Variants in ELMO1 observed in about 807,000 individuals in gnomAD.
ELMO1 encodes engulfment and cell motility protein 1.
Under a neutral mutation model 98.9 loss-of-function variants are expected in ELMO1, and 26 were observed. That is an observed-to-expected ratio of 0.26 (90% CI 0.19 to 0.36). The LOEUF (loss-of-function observed/expected upper bound fraction) is 0.36, where lower values mean the gene tolerates loss of function less well. ELMO1 is among the 10% of genes least tolerant of loss of function. The pLI is 1.00. For synonymous variants in ELMO1, 346 were observed against 346.0 expected (o/e 1.00, Z 0.00); for missense variants, 627 against 935.2 (o/e 0.67, Z 4.30).
chr7:37,337,293 G>C (rs911449625), intron 2 of ELMO1, among the ~76,000 whole-genome samples: 25 of 151,908 alleles, frequency 1.6e-4, no homozygotes, highest in African/African-American at 5.8e-4. Flanking sequence ...ACCAAACACT[G>C]CATGTTCTCA....
chr7:37,233,236 C>T, intron 7 of ELMO1, 42 bp from the exon 8 acceptor site: 1 of 1,556,068 alleles, frequency 6.4e-7, no homozygotes, highest in Non-Finnish European at 8.7e-7. Context: ...AGCCCCAAAG[C>T]TGAGCAAAGA....
chr7:37,006,730 G>A (rs1793155230), intron 16 of ELMO1, among the ~76,000 whole-genome samples: 1 of 152,180 alleles, frequency 6.6e-6, no homozygotes, highest in East Asian at 1.9e-4. Flanking sequence ...CTCTAGCGGG[G>A]TGATAATGCA....
At chr7:36,989,539 T>C (rs1218940462) in intron 16 of ELMO1, among the ~76,000 whole-genome samples, 6 of 151,974 alleles carry the variant, frequency 3.9e-5, no homozygotes, top group African/African-American at 1.4e-4. Context: ...TCAAAATTAA[T>C]CTCCCACATA....
intron 14 of ELMO1, among the ~76,000 whole-genome samples, chr7:37,114,157 T>C (rs953346150): frequency 3.9e-5 from 6 of 152,338 alleles, no homozygotes; most frequent in Non-Finnish European, 8.8e-5. Context: ...ATGAGTGATG[T>C]GATCTGACCA....
intron 4 of ELMO1, among the ~76,000 whole-genome samples, chr7:37,276,456 A>C (rs1474040183): frequency 6.6e-6 from 1 of 151,942 alleles, no homozygotes; most frequent in Non-Finnish European, 1.5e-5. Context: ...AAAATACAAA[A>C]AAAAATTAGC....
chr7:37,405,322 C>T (rs1803712052), intron 1 of ELMO1, among the ~76,000 whole-genome samples: 1 of 152,168 alleles, frequency 6.6e-6, no homozygotes, highest in Non-Finnish European at 1.5e-5. Context: ...GTTTCCGACC[C>T]CCTCCCCACG....
Position 36,853,627 on chromosome 7 carries a change from T to A in ELMO1, c.*1924A>T, listed in dbSNP as rs7804092. On this transcript the variant is annotated 3_prime_UTR_variant, in exon 22 of 22. Coordinates refer to ENST00000310758, the MANE Select transcript of ELMO1 (RefSeq NM_014800.11). ...AGGAACCCCTGTGAATGCAAAGGAC[T>A]TTTTTCCTGCAATGCATGCAGTGCT... 0.18 allele frequency among the ~76,000 whole-genome samples: 27,311 copies of A among 152,176 alleles called. 2,570 individuals are homozygous for A. The highest frequency in any genetic ancestry group is 0.25 in the South Asian group (1,225 of 4,830).
In ELMO1 at chr7:37,211,524, G is replaced by A; in HGVS notation, c.955-7C>T. The A allele has an allele frequency of 6.2e-7, 1 of 1,612,734 alleles. No homozygotes were observed. The highest frequency in any genetic ancestry group is 1.1e-5 in the South Asian group (1 of 90,934). The stretch of plus-strand genomic sequence containing the variant: ...ATATGATGTCCCTCTGAGCCTGAAG[G>A]AATCAGGGAGTAAAAAGAAAAGGGA... On this transcript the variant is annotated splice_region_variant and splice_polypyrimidine_tract_variant and intron_variant, in intron 12 of 21. Transcript: ENST00000310758.
chr7:36,961,964 A>G (rs548238825), intron 16 of ELMO1, among the ~76,000 whole-genome samples: 1 of 152,256 alleles, frequency 6.6e-6, no homozygotes. Flanking sequence ...TTCATACCTC[A>G]AAAATTGTGT....
intron 13 of ELMO1, among the ~76,000 whole-genome samples, chr7:37,167,328 G>A (rs577523441): frequency 9.9e-5 from 15 of 152,236 alleles, no homozygotes; most frequent in South Asian, 6.2e-4. Context: ...GAAGCATTTC[G>A]TCCATTTACA....
intron 16 of ELMO1, among the ~76,000 whole-genome samples, chr7:37,004,098 A>G (rs1236180301): frequency 6.6e-6 from 1 of 152,172 alleles, no homozygotes; most frequent in Admixed American, 6.6e-5. Context: ...CTTGTATTTC[A>G]TGAGAGATTC....
chr7:36,907,498 G>C (rs1050648606), intron 16 of ELMO1, among the ~76,000 whole-genome samples: 1 of 152,214 alleles, frequency 6.6e-6, no homozygotes, highest in African/African-American at 2.4e-5. Context: ...AGAGTGCCCT[G>C]ACTCTGCAAA....
chr7:36,950,526 T>G (rs1006750367), intron 16 of ELMO1, among the ~76,000 whole-genome samples: 1 of 152,192 alleles, frequency 6.6e-6, no homozygotes, highest in African/African-American at 2.4e-5. Flanking sequence ...CCTTGGGCTG[T>G]CTGTGTTTCA....
intron 4 of ELMO1, among the ~76,000 whole-genome samples, chr7:37,308,814 A>T (rs1268392802): frequency 1.8e-4 from 28 of 152,186 alleles, no homozygotes; most frequent in Non-Finnish European, 3.7e-4. Context: ...GTGCTTGCCA[A>T]AGGCTGGGGA....
chr7:37,316,719 G>A (rs932903422), intron 2 of ELMO1, among the ~76,000 whole-genome samples: 3 of 152,194 alleles, frequency 2.0e-5, no homozygotes, highest in African/African-American at 7.2e-5. Flanking sequence ...CTAGGATGGG[G>A]AGTATCATGT....
chr7:37,268,910 C>T (rs541355826), intron 5 of ELMO1, among the ~76,000 whole-genome samples: 21 of 152,310 alleles, frequency 1.4e-4, no homozygotes, highest in African/African-American at 4.8e-4. Flanking sequence ...CATAGCTACA[C>T]GTTACATAAA....
intron 4 of ELMO1, among the ~76,000 whole-genome samples, chr7:37,304,577 G>T (rs972694585): frequency 2.0e-5 from 3 of 152,136 alleles, no homozygotes; most frequent in Non-Finnish European, 4.4e-5. Context: ...TTAGCTGGGT[G>T]TGGTGGCGTG....
intron 15 of ELMO1, among the ~76,000 whole-genome samples, chr7:37,080,318 C>T (rs185135358): frequency 1.3e-5 from 2 of 152,292 alleles, no homozygotes; most frequent in East Asian, 3.9e-4. Context: ...AATTATAAAT[C>T]ACATAATGTC....
intron 6 of ELMO1, among the ~76,000 whole-genome samples, chr7:37,255,949 A>G (rs562889596): frequency 6.6e-6 from 1 of 152,308 alleles, no homozygotes; most frequent in Non-Finnish European, 1.5e-5. Context: ...GAAGTAATCC[A>G]GTGATGAGTG....
Sources: gnomAD v4.1 joint callset for allele counts (sites outside exome capture counted in the v4.1 genomes callset) on GRCh38, gnomAD v4.1.1 for gene constraint, MANE v1.5 for transcripts, NCBI Gene and HGNC (gene_info 2026-07-23, HGNC 2026-07-21) for gene names.